PITPNM2: variants seen among roughly 807,000 people sequenced by gnomAD.
PITPNM2 encodes the protein phosphatidylinositol transfer protein membrane associated 2.
PITPNM2 carries 35 observed loss-of-function variants against 132.2 expected under a neutral mutation model. That is an observed-to-expected ratio of 0.26 (90% CI 0.20 to 0.35). The LOEUF is 0.35. PITPNM2 is among the 10% of genes least tolerant of loss of function. The pLI, the probability that PITPNM2 is intolerant of heterozygous loss-of-function variation, is 1.00. For synonymous variants in PITPNM2, 738 were observed against 799.2 expected, an observed-to-expected ratio of 0.92 and a Z score of 1.29; for missense variants, 1,332 against 1,912.0, an observed-to-expected ratio of 0.70 and a Z score of 5.66.
At chr12:122,990,168 AG>A (rs2038124652) in intron 17 of PITPNM2, among the ~76,000 whole-genome samples, 1 of 152,232 alleles carries the variant, frequency 6.6e-6, no homozygotes, top group South Asian at 2.1e-4. Flanking sequence ...TCCCTGGCCC[AG>A]CACGGGGCGC....
At position 122,985,449 on chromosome 12, in the gene PITPNM2, G is replaced by T. The variant is rs2037896778; in HGVS notation, c.*578C>A. 6.5e-6 allele frequency: 1 copy of T among 152,738 alleles called. No individual in the cohort carries two copies. Among genetic ancestry groups the T allele is most frequent in the South Asian group, 2.1e-4 (1 of 4,830 alleles). 9.5% of individuals were successfully genotyped at this position (152,738 alleles called of 1,614,324 possible). A position where few individuals can be genotyped will look rare whatever the true frequency, so the allele number is the denominator to read the frequency against. On this transcript the variant is annotated 3_prime_UTR_variant, in exon 26 of 26. Transcript: ENST00000320201. Reference sequence around the variant, plus strand: ...GCTTGCACGAGGCTCTGCCGCACTGGAGCCTTCAGTGTGGTTGTAGGTCCT... The same window carrying T: ...GCTTGCACGAGGCTCTGCCGCACTGTAGCCTTCAGTGTGGTTGTAGGTCCT...
chr12:123,139,097 T>A (rs545382746), intron 1 of PITPNM2, among the ~76,000 whole-genome samples: 1 of 152,092 alleles, frequency 6.6e-6, no homozygotes, highest in South Asian at 2.1e-4. Flanking sequence ...ACGATTGTGC[T>A]ACTGCACCCC....
At chr12:123,121,692 C>T (rs771928519) in intron 1 of PITPNM2, among the ~76,000 whole-genome samples, 5 of 151,796 alleles carry the variant, frequency 3.3e-5, no homozygotes, top group Admixed American at 6.6e-5. Flanking sequence ...ACTACAGGCA[C>T]GCACCACTAC....
At chr12:122,999,259 TTC>T (rs2038555168) in intron 10 of PITPNM2, among the ~76,000 whole-genome samples, 1 of 152,074 alleles carries the variant, frequency 6.6e-6, no homozygotes, top group Non-Finnish European at 1.5e-5. Flanking sequence ...AGCCAAGGGC[TTC>T]TCTCTTCTTC....
chr12:122,998,692 T>G (rs1298400749), intron 10 of PITPNM2, among the ~76,000 whole-genome samples: 4 of 151,470 alleles, frequency 2.6e-5, no homozygotes, highest in African/African-American at 9.7e-5. Context: ...GCCAAAGCCA[T>G]CTAGAGGGCT....
chr12:123,070,927 T>C (rs1047152356), intron 2 of PITPNM2, among the ~76,000 whole-genome samples: 61 of 152,226 alleles, frequency 4.0e-4, no homozygotes, highest in Non-Finnish European at 4.7e-4. Context: ...AGGTCAGCCC[T>C]TCCTAGCTGC....
chr12:123,085,886 T>C lies in PITPNM2; in HGVS notation c.-96+24499A>G, dbSNP rs1593002807. 2.0e-5 allele frequency among the ~76,000 whole-genome samples: 3 copies of C among 152,106 alleles called. No homozygotes were observed. In the South Asian group the frequency reaches 6.2e-4, roughly 32 times the overall value. On this transcript the variant is annotated intron_variant, in intron 2 of 25. Transcript: ENST00000320201. Reference sequence around the variant, plus strand: ...ACACCAGGGACCTTCAGAGAAGGGCTCTTTGTGTGAGCCAGCATGACTAAG... The same window carrying C: ...ACACCAGGGACCTTCAGAGAAGGGCCCTTTGTGTGAGCCAGCATGACTAAG...
chr12:123,113,035 G>A (rs2042871343), intron 1 of PITPNM2, among the ~76,000 whole-genome samples: 1 of 152,224 alleles, frequency 6.6e-6, no homozygotes, highest in Admixed American at 6.5e-5. Flanking sequence ...CCTATTAATA[G>A]AATATCAGTC....
rs774243442 is a variant in PITPNM2 at position 122,995,376 on chromosome 12, C to T, written c.2054+13G>A. On this transcript the variant is annotated intron_variant, in intron 14 of 25. Transcript: ENST00000320201. ...CACCCAGAGGCAAGCCCCAGCCCCC[C>T]AGCCCTGCCCACCTGGACAGGAAGG... The T allele has an allele frequency of 5.7e-6, 9 of 1,575,974 alleles. No individual in the cohort carries two copies. In the South Asian group the frequency reaches 5.9e-5, roughly 10 times the overall value.
Position 122,985,937 on chromosome 12 carries a change from C to T in PITPNM2, c.*90G>A, listed in dbSNP as rs1406758888. 34 of 1,199,644 alleles carry T rather than the reference C, an allele frequency of 2.8e-5. No individual in the cohort carries two copies. The highest frequency in any genetic ancestry group is 3.4e-5 in the Non-Finnish European group (31 of 924,048). 74.3% of individuals were successfully genotyped at this position (1,199,644 alleles called of 1,614,324 possible). A position where few individuals can be genotyped will look rare whatever the true frequency, so the allele number is the denominator to read the frequency against. ...GCCCTGGGACAATCTCCCAGGCCCA[C>T]GTCAGTGCGTGTGCCCAGGCCAGGC... On this transcript the variant is annotated 3_prime_UTR_variant, in exon 26 of 26. Transcript: ENST00000320201.
rs891563385 is a variant in PITPNM2, at chr12:123,097,800, C to T, written c.-96+12585G>A. On this transcript the variant is annotated intron_variant, in intron 2 of 25. Transcript: ENST00000320201. This position sits in a 1 kb window ranked among gnomAD's most constrained non-coding sequence, Gnocchi z 4.7. The stretch of plus-strand genomic sequence containing the variant: ...GTGAAGATGACGGGCAGGTCCCCAG[C>T]TCCTGGGCTGACCTCGCCCCTACAT... Among the ~76,000 whole-genome samples, 1 of 152,246 alleles carries T rather than the reference C, an allele frequency of 6.6e-6. No homozygotes were observed. The highest frequency in any genetic ancestry group is 2.4e-5 in the African/African-American group (1 of 41,458).
chr12:122,986,481 G>T lies in PITPNM2; in HGVS notation c.3681C>A (p.Ile1227=), dbSNP rs373017731. ...TCTTGGTGGGCCGGCCCACGATGTAGATCTGCATGGGGGACAGGCTAATGG... is the reference window on the plus strand; with the variant it reads ...TCTTGGTGGGCCGGCCCACGATGTATATCTGCATGGGGGACAGGCTAATGG... ...YSAISLSPMQ[I]YIVGRPTKKL... Residue 1227 remains isoleucine, a synonymous_variant, in exon 25 of 26, where the codon ATC becomes ATA. Coordinates refer to ENST00000320201, the MANE Select transcript of PITPNM2 (RefSeq NM_020845.3). The T allele has an allele frequency of 8.2e-6, 13 of 1,586,896 alleles. No individual in the cohort carries two copies. The highest frequency in any genetic ancestry group is 1.1e-5 in the Non-Finnish European group (13 of 1,167,264).
intron 2 of PITPNM2, chr12:123,075,827 C>T: frequency 6.6e-6 from 1 of 152,496 alleles, no homozygotes; most frequent in Non-Finnish European, 1.5e-5. Flanking sequence ...TGCAGCCAGG[C>T]TGGAGGAGCC....
intron 1 of PITPNM2, among the ~76,000 whole-genome samples, chr12:123,142,997 G>A (rs191631754): frequency 3.9e-5 from 6 of 152,180 alleles, no homozygotes; most frequent in African/African-American, 1.2e-4. Context: ...GAGCACCGTC[G>A]CCAAGCCAGT....
chr12:123,100,325 C>T (rs2042530833), intron 2 of PITPNM2, among the ~76,000 whole-genome samples: 1 of 152,116 alleles, frequency 6.6e-6, no homozygotes, highest in Non-Finnish European at 1.5e-5. Flanking sequence ...GAAACATGTT[C>T]AATAAAAACT....
intron 2 of PITPNM2, among the ~76,000 whole-genome samples, chr12:123,098,994 C>T (rs964264886): frequency 1.3e-5 from 2 of 152,190 alleles, no homozygotes; most frequent in African/African-American, 4.8e-5. Flanking sequence ...GAAATGCTCC[C>T]TCTTGTATGA....
At chr12:123,103,896 T>TTTTATTTTA (rs1555297533) in intron 2 of PITPNM2, among the ~76,000 whole-genome samples, 154 of 149,930 alleles carry the variant, frequency 1.0e-3, no homozygotes, top group African/African-American at 3.6e-3. Context: ...TATTTTGTTA[T>TTTTATTTTA]TTTATTTATT....
chr12:123,109,337 T>C (rs2042786599), intron 2 of PITPNM2, among the ~76,000 whole-genome samples: 1 of 152,188 alleles, frequency 6.6e-6, no homozygotes, highest in African/African-American at 2.4e-5. Flanking sequence ...GGATTGTGCC[T>C]GAGACAAAGA....
intron 1 of PITPNM2, among the ~76,000 whole-genome samples, chr12:123,134,843 G>T (rs563317963): frequency 6.6e-6 from 1 of 152,086 alleles, no homozygotes; most frequent in Non-Finnish European, 1.5e-5. Flanking sequence ...AGGCCTCTGC[G>T]GGACTCAGTT....
Sources: allele counts gnomAD v4.1 joint callset (sites outside exome capture counted in the v4.1 genomes callset), GRCh38; gene constraint gnomAD v4.1.1; non-coding constraint Gnocchi (gnomAD v3.1); transcripts MANE v1.5; gene names NCBI Gene and HGNC (gene_info 2026-07-23, HGNC 2026-07-21).